CHN2: variants seen among roughly 807,000 people sequenced by gnomAD.
CHN2 encodes beta-chimaerin.
Under a neutral mutation model 56.3 loss-of-function variants are expected in CHN2, and 35 were observed. That is an observed-to-expected ratio of 0.62 (90% confidence interval 0.47 to 0.82). The LOEUF (loss-of-function observed/expected upper bound fraction) is 0.82. Ranked by LOEUF, CHN2 falls within the 40% of genes least tolerant of loss-of-function variation. The probability of loss-of-function intolerance (pLI) is 0.00; values close to 1 mark genes in which losing one functional copy is unlikely to be tolerated. For missense variants in CHN2, 491 were observed against 580.5 expected (o/e 0.85, Z 1.58); for synonymous variants, 210 against 212.8 (o/e 0.99, Z 0.12).
intron 1 of CHN2, among the ~76,000 whole-genome samples, chr7:29,259,404 T>G (rs1789365713): frequency 1.3e-5 from 2 of 151,698 alleles, no homozygotes. Context: ...TGTGTGAGTG[T>G]GGAGAGATCT....
At chr7:29,288,951 C>G (rs942822259) in intron 1 of CHN2, 1 of 152,142 alleles carries the variant, frequency 6.6e-6, no homozygotes, top group Non-Finnish European at 1.5e-5. Context: ...CCCTGGGATG[C>G]CGGAGGAAGA....
intron 7 of CHN2, among the ~76,000 whole-genome samples, chr7:29,481,014 G>C (rs1476993): frequency 0.87 from 132,487 of 152,274 alleles, 58,032 homozygotes; most frequent in East Asian, 1. Context: ...AGACCGCTAT[G>C]TTCGTTTCAG....
At chr7:29,298,546 G>T (rs184984545) in intron 1 of CHN2, among the ~76,000 whole-genome samples, 134 of 152,240 alleles carry the variant, frequency 8.8e-4, no homozygotes, top group African/African-American at 2.9e-3. Flanking sequence ...TTGGGTGCAC[G>T]GTGCTTGGCT....
chr7:29,334,049 C>CTTTTT (rs70980529), intron 1 of CHN2, among the ~76,000 whole-genome samples: 565 of 122,948 alleles, frequency 4.6e-3, no homozygotes, highest in Non-Finnish European at 5.8e-3. Context: ...AATTTCTTTT[C>CTTTTT]TTTTTTTTTT....
At chr7:29,291,848 C>T (rs1259070280) in intron 1 of CHN2, among the ~76,000 whole-genome samples, 1 of 152,086 alleles carries the variant, frequency 6.6e-6, no homozygotes, top group East Asian at 1.9e-4. Context: ...ATCTGTGTAG[C>T]AAAAGTTAGC....
chr7:29,320,694 G>C (rs541476765), intron 1 of CHN2, among the ~76,000 whole-genome samples: 1 of 152,146 alleles, frequency 6.6e-6, no homozygotes, highest in South Asian at 2.1e-4. Flanking sequence ...ACCCACACTA[G>C]ATGCCTATTT....
chr7:29,434,756 A>G lies in CHN2; in HGVS notation c.576+33928A>G, dbSNP rs79345569. ...AGAAGGTCACCACAGGTCTAAAGACATAGTTCTTTCCTTCAGAAACTTGTC... is the reference window on the plus strand; with the variant it reads ...AGAAGGTCACCACAGGTCTAAAGACGTAGTTCTTTCCTTCAGAAACTTGTC... On this transcript the variant is annotated intron_variant, in intron 6 of 12. Coordinates refer to ENST00000222792, the MANE Select transcript of CHN2 (RefSeq NM_004067.4). Among the ~76,000 whole-genome samples, 1,431 of 152,328 alleles carry G rather than the reference A, an allele frequency of 9.4e-3. 26 individuals carry two copies. The highest frequency in any genetic ancestry group is 0.033 in the African/African-American group (1,367 of 41,564).
At position 29,498,758 on chromosome 7, in the gene CHN2, C is replaced by CT. The variant is rs138784356; in HGVS notation, c.740-1088dup. ...TGTAGCAGAATGTAGACTATGCTGC[C>CT]TTTTTTTTTTTTTTTTTTTTTGGAG... is the stretch of plus-strand genomic sequence containing the variant. On this transcript the variant is annotated intron_variant, in intron 8 of 12. Transcript: ENST00000222792. 3.7e-3 allele frequency among the ~76,000 whole-genome samples: 374 copies of CT among 100,066 alleles called. 3 individuals are homozygous for CT. Among genetic ancestry groups the CT allele is most frequent in the East Asian group, 9.5e-3 (33 of 3,456 alleles). The allele number at this position is 100,066 out of a possible 152,430, so 65.6% of individuals were successfully genotyped here.
chr7:29,295,692 G>A (rs1347223307), intron 1 of CHN2, among the ~76,000 whole-genome samples: 1 of 152,226 alleles, frequency 6.6e-6, no homozygotes, highest in African/African-American at 2.4e-5. Context: ...TCAAATCCCA[G>A]TGAGACTTGT....
chr7:29,417,210 A>G (rs989405083), intron 6 of CHN2, among the ~76,000 whole-genome samples: 3 of 152,214 alleles, frequency 2.0e-5, no homozygotes, highest in Non-Finnish European at 2.9e-5. Flanking sequence ...TGTATTTCCA[A>G]GGTACTTCAT....
At chr7:29,357,461 C>G (rs1015389472) in intron 2 of CHN2, among the ~76,000 whole-genome samples, 22 of 152,224 alleles carry the variant, frequency 1.4e-4, no homozygotes, top group African/African-American at 5.3e-4. Flanking sequence ...GCTCATGCTA[C>G]TCCATCTTAT....
intron 6 of CHN2, chr7:29,445,025 T>G (rs568801332): frequency 4.9e-5 from 21 of 426,760 alleles, no homozygotes; most frequent in South Asian, 2.8e-4. Flanking sequence ...AATGAAGAGA[T>G]AGAGACAGAG....
chr7:29,349,930 A>G (rs1271979891), intron 1 of CHN2, among the ~76,000 whole-genome samples: 4 of 152,198 alleles, frequency 2.6e-5, no homozygotes, highest in Non-Finnish European at 5.9e-5. Context: ...TATTTCCAGT[A>G]CCTTGTATCT....
At position 29,271,121 on chromosome 7, in the gene CHN2, G is replaced by C. The variant is rs1163239651; in HGVS notation, c.49+76131G>C. On this transcript the variant is annotated intron_variant, in intron 1 of 12. Coordinates refer to ENST00000222792, the MANE Select transcript of CHN2 (RefSeq NM_004067.4). The stretch of plus-strand genomic sequence containing the variant: ...CTTGAGGTGGGGGTGGAAGAAGTGA[G>C]AGGAAGTGGACTGAAAGGGGTGGAG... Among the ~76,000 whole-genome samples, 5 of 152,256 alleles carry C rather than the reference G, an allele frequency of 3.3e-5. No individual in the cohort carries two copies. The East Asian group carries it at 9.7e-4, about 29-fold the overall frequency.
In CHN2 at chr7:29,306,571, C is replaced by G. The variant is rs139500474; in HGVS notation, c.50-48054C>G. Among the ~76,000 whole-genome samples the G allele has an allele frequency of 2.0e-3, 310 of 152,240 alleles. 1 individual carries two copies. The highest frequency in any genetic ancestry group is 0.017 in the Middle Eastern group (5 of 294). On this transcript the variant is annotated intron_variant, in intron 1 of 12. Coordinates refer to ENST00000222792, the MANE Select transcript of CHN2 (RefSeq NM_004067.4). ...GAAAGGGGGACCCTGGGTGTTAAAG[C>G]CCAAGGCGATAGAGCACATGCTGAA...
At chr7:29,511,495 A>G (rs1163667257) in intron 12 of CHN2, among the ~76,000 whole-genome samples, 1 of 152,230 alleles carries the variant, frequency 6.6e-6, no homozygotes, top group Non-Finnish European at 1.5e-5. Flanking sequence ...TGGGTTTGCC[A>G]GCCATCTTGT....
intron 1 of CHN2, among the ~76,000 whole-genome samples, chr7:29,269,760 G>T (rs1444253446): frequency 6.6e-6 from 1 of 152,194 alleles, no homozygotes; most frequent in Non-Finnish European, 1.5e-5. Flanking sequence ...AAGGACTGAG[G>T]ATGTCAGGCA....
intron 2 of CHN2, among the ~76,000 whole-genome samples, chr7:29,166,225 G>C (rs1795903899): frequency 6.6e-6 from 1 of 151,920 alleles, no homozygotes; most frequent in African/African-American, 2.4e-5. Flanking sequence ...GTAGAGGTGG[G>C]GTCTCACTAT....
rs555946730 is a variant in CHN2, at chr7:29,146,885, C to T, written c.199C>T (p.Arg67Ter). 2.6e-5 allele frequency: 40 copies of T among 1,551,088 alleles called. No homozygotes were observed. In the African/African-American group the frequency reaches 3.0e-4, roughly 12 times the overall value. Residue 67 changes from arginine (R) to a stop codon, truncating the protein, a stop_gained, in exon 2 of 7, where the codon CGA (arginine) becomes TGA (stop). Transcript: ENST00000439384. LOFTEE classifies it high-confidence loss of function. ...AAGCCCAGGATTTACATTTGGAAAGCGAGTGGTGTTTGATTCCCACTGTTT... is the reference window on the plus strand; with the variant it reads ...AAGCCCAGGATTTACATTTGGAAAGTGAGTGGTGTTTGATTCCCACTGTTT...
Sources: gnomAD v4.1 joint callset for allele counts (sites outside exome capture counted in the v4.1 genomes callset) on GRCh38, gnomAD v4.1.1 for gene constraint, MANE v1.5 for transcripts, NCBI Gene and HGNC (gene_info 2026-07-23, HGNC 2026-07-21) for gene names.